ENOX2: variants seen among roughly 807,000 people sequenced by gnomAD.
ENOX2 encodes ecto-NOX disulfide-thiol exchanger 2.
Under a neutral mutation model 45.0 loss-of-function variants are expected in ENOX2, and 36 were observed. The observed-to-expected ratio is 0.80, with a 90% CI of 0.61 to 1.06. The LOEUF (loss-of-function observed/expected upper bound fraction) is 1.06. Ranked by LOEUF, ENOX2 falls within the 50% of genes least tolerant of loss-of-function variation. The pLI is 0.00. For missense variants in ENOX2, 423 were observed against 462.5 expected, an observed-to-expected ratio of 0.91 and a Z score of 0.78; for synonymous variants, 174 against 152.3, an observed-to-expected ratio of 1.14 and a Z score of -1.05.
In ENOX2 at chrX:130,667,603, T is replaced by A; in HGVS notation, c.834A>T (p.Lys278Asn). ...NSHVRRLVNE[K>N]AAHEKDMEEA... The stretch of plus-strand genomic sequence containing the variant: ...CTTCCATATCTTTCTCATGGGCAGC[T>A]TTCTCGTTCACCAGGCGGCGGACAT... Residue 278 changes from lysine (K) to asparagine (N), a missense_variant, in exon 8 of 15, where the codon AAA (lysine) becomes AAT (asparagine). Transcript: ENST00000394363. 1 of 1,211,842 alleles carries A rather than the reference T, an allele frequency of 8.3e-7. No homozygotes were observed. The highest frequency in any genetic ancestry group is 1.1e-6 in the Non-Finnish European group (1 of 895,456).
At chrX:130,695,859 T>A (rs2037745130) in intron 4 of ENOX2, among the ~76,000 whole-genome samples, 2 of 111,722 alleles carry the variant, frequency 1.8e-5, no homozygotes, top group African/African-American at 6.5e-5. Flanking sequence ...GATTAATATC[T>A]ACCTACTCAA....
intron 3 of ENOX2, among the ~76,000 whole-genome samples, chrX:130,707,299 G>C (rs775083567): frequency 2.7e-5 from 3 of 111,854 alleles, no homozygotes; most frequent in African/African-American, 9.8e-5. Flanking sequence ...CTGTGAGTAA[G>C]TGCCTTCTAG....
chrX:130,723,889 T>C (rs1226216800), intron 3 of ENOX2, among the ~76,000 whole-genome samples: 1 of 111,707 alleles, frequency 9.0e-6, no homozygotes, highest in Non-Finnish European at 1.9e-5. Flanking sequence ...ACCCTTGCTA[T>C]TTTCCCTGCT....
At chrX:130,882,791 G>A (rs939900233) in intron 2 of ENOX2, among the ~76,000 whole-genome samples, 71 of 111,641 alleles carry the variant, frequency 6.4e-4, no homozygotes, top group African/African-American at 1.4e-3. Flanking sequence ...TATCTGCTCC[G>A]GGTAGCACAC....
At chrX:130,729,618 C>T (rs757059714) in intron 3 of ENOX2, among the ~76,000 whole-genome samples, 2 of 111,802 alleles carry the variant, frequency 1.8e-5, no homozygotes, top group South Asian at 3.8e-4. Flanking sequence ...AATATGGAAA[C>T]GTAAATTTCA....
At chrX:130,715,569 G>GTTT (rs59886678) in intron 3 of ENOX2, among the ~76,000 whole-genome samples, 1 of 100,805 alleles carries the variant, frequency 9.9e-6, no homozygotes. Flanking sequence ...CAAAATGACT[G>GTTT]TTTTTTTTTT....
At chrX:130,831,544 C>G (rs917595417) in intron 2 of ENOX2, among the ~76,000 whole-genome samples, 6 of 111,204 alleles carry the variant, frequency 5.4e-5, no homozygotes, top group African/African-American at 2.0e-4. Flanking sequence ...CCACTCATCT[C>G]TTGCCTCAGA....
At chrX:130,703,307 A>G in intron 3 of ENOX2, 53 bp from the exon 4 acceptor site, 1 of 1,104,965 alleles carries the variant, frequency 9.1e-7, no homozygotes, top group Non-Finnish European at 1.2e-6. Context: ...TCTAGCAACT[A>G]GTTTACTTAT....
At chrX:130,668,157 G>A (rs2036889491) in intron 7 of ENOX2, among the ~76,000 whole-genome samples, 1 of 109,959 alleles carries the variant, frequency 9.1e-6, no homozygotes, top group Non-Finnish European at 1.9e-5. Flanking sequence ...GAATTAGTGA[G>A]GGAACTTCAG....
intron 6 of ENOX2, among the ~76,000 whole-genome samples, chrX:130,670,964 C>T (rs890524173): frequency 9.0e-6 from 1 of 111,424 alleles, no homozygotes; most frequent in African/African-American, 3.3e-5. Context: ...CAGCTAGATA[C>T]TTCCATAGGA....
Position 130,631,355 on chromosome X carries a change from C to T in ENOX2, c.1528+113G>A, listed in dbSNP as rs745468238. 3.5e-4 allele frequency: 172 copies of T among 493,953 alleles called. 1 individual carries two copies. The highest frequency in any genetic ancestry group is 9.5e-4 in the Admixed American group (34 of 35,626). The allele number at this position is 493,953 out of a possible 1,213,427, so 40.7% of individuals were successfully genotyped here. A position where few individuals can be genotyped will look rare whatever the true frequency, so the allele number is the denominator to read the frequency against. Reference sequence around the variant, plus strand: ...TCATCTTCAGAACTCTGAGTTCTTGCGCTGCCATGCTTCATAAATGCTTGG... The same window carrying T: ...TCATCTTCAGAACTCTGAGTTCTTGTGCTGCCATGCTTCATAAATGCTTGG... On this transcript the variant is annotated intron_variant, in intron 13 of 14. Coordinates refer to ENST00000394363, the MANE Select transcript of ENOX2 (RefSeq NM_006375.4).
chrX:130,720,768 G>C (rs1301767427), intron 3 of ENOX2, among the ~76,000 whole-genome samples: 1 of 111,890 alleles, frequency 8.9e-6, no homozygotes, highest in Non-Finnish European at 1.9e-5. Flanking sequence ...ACTCTGAGAA[G>C]ACTGAAGCTC....
chrX:130,824,168 T>C (rs1390394004), intron 2 of ENOX2, among the ~76,000 whole-genome samples: 1 of 111,632 alleles, frequency 9.0e-6, no homozygotes, highest in African/African-American at 3.3e-5. Flanking sequence ...TTGAAAGAAA[T>C]ATACCGAATT....
chrX:130,868,067 CT>C (rs1569324638), intron 2 of ENOX2, among the ~76,000 whole-genome samples: 1 of 111,574 alleles, frequency 9.0e-6, no homozygotes, highest in African/African-American at 3.3e-5. Flanking sequence ...CTGAGAATGG[CT>C]TTTTTTCTTA....
At chrX:130,792,491 A>G (rs767752122) in intron 2 of ENOX2, among the ~76,000 whole-genome samples, 25 of 112,738 alleles carry the variant, frequency 2.2e-4, no homozygotes, top group African/African-American at 7.4e-4. Context: ...ATTAATTAAA[A>G]TGGAATAAAA....
At chrX:130,752,984 C>T (rs754263780) in intron 3 of ENOX2, among the ~76,000 whole-genome samples, 4 of 110,954 alleles carry the variant, frequency 3.6e-5, no homozygotes, top group Non-Finnish European at 5.7e-5. Context: ...TCCTGTATCA[C>T]ATTCTAACTC....
intron 4 of ENOX2, 121 bp downstream of exon 4, chrX:130,702,999 T>C: frequency 1.3e-6 from 1 of 753,915 alleles, no homozygotes; most frequent in Admixed American, 3.3e-5. Context: ...ATTACAAAAA[T>C]GCACACTCTA....
rs769309244 is a variant in ENOX2, at chrX:130,688,997, A to T, written c.119T>A (p.Met40Lys). The change falls in exon 5 of 15, where the codon ATG becomes AAG. Residue 40 changes from methionine (M) to lysine (K), a missense_variant. Met to Lys is a moderately conservative substitution (Grantham distance 95). This residue lies in a region of ENOX2 where 261 missense variants were observed against 306.8 expected (regional missense o/e 0.85). Transcript: ENST00000394363. Reference protein sequence around the residue: ...ILPDFDPALGMMTGIPPITPM... With the variant: ...ILPDFDPALGKMTGIPPITPM... ...AGTTATTGGTGGAATTCCAGTCATCATTCCAAGAGCAGGATCAAAGTCTAA... is the reference window on the plus strand; with the variant it reads ...AGTTATTGGTGGAATTCCAGTCATCTTTCCAAGAGCAGGATCAAAGTCTAA... The T allele has an allele frequency of 1.7e-6, 2 of 1,207,156 alleles. No homozygotes were observed. Among genetic ancestry groups the T allele is most frequent in the Admixed American group, 4.4e-5 (2 of 45,583 alleles).
At chrX:130,883,297 GAC>G (rs2078851712) in intron 2 of ENOX2, among the ~76,000 whole-genome samples, 1 of 111,130 alleles carries the variant, frequency 9.0e-6, no homozygotes, top group Admixed American at 9.5e-5. Context: ...TTTTAGTAGA[GAC>G]AGGGTTTTGC....
Sources: allele counts gnomAD v4.1 joint callset (sites outside exome capture counted in the v4.1 genomes callset), GRCh38; gene constraint gnomAD v4.1.1; regional missense constraint gnomAD v4.1.1; transcripts MANE v1.5; gene names NCBI Gene and HGNC (gene_info 2026-07-23, HGNC 2026-07-21).